DNAH17: variants seen among roughly 807,000 people sequenced by gnomAD.
DNAH17 encodes axonemal beta dynein heavy chain 17.
A neutral mutation model predicts 485.6 loss-of-function variants in DNAH17; 376 were observed. The ratio of observed to expected loss-of-function variants is 0.77; its 90% CI spans 0.71 to 0.84. The LOEUF (loss-of-function observed/expected upper bound fraction) is 0.84. Among genes scored for constraint, DNAH17 ranks in the 40% least tolerant of loss-of-function variants. DNAH17 has a pLI of 0.00. For missense variants in DNAH17, 6,370 were observed against 5,839.3 expected, an observed-to-expected ratio of 1.09 and a Z score of -2.96; for synonymous variants, 3,031 against 2,405.9, an observed-to-expected ratio of 1.26 and a Z score of -7.60.
intron 41 of DNAH17, 181 bp from the exon 42 acceptor site, chr17:78,492,946 G>A: frequency 1.8e-6 from 1 of 558,936 alleles, no homozygotes; most frequent in South Asian, 2.5e-5. Flanking sequence ...CTGCCTCAGG[G>A]TTCAAGTGAT....
At chr17:78,558,900 G>A (rs529042517) in intron 13 of DNAH17, among the ~76,000 whole-genome samples, 5 of 152,168 alleles carry the variant, frequency 3.3e-5, no homozygotes, top group South Asian at 4.2e-4. Flanking sequence ...GTCACATCAC[G>A]GGCCTCATCT....
At chr17:78,562,306 G>A (rs2092174267) in intron 11 of DNAH17, among the ~76,000 whole-genome samples, 1 of 152,164 alleles carries the variant, frequency 6.6e-6, no homozygotes, top group African/African-American at 2.4e-5. Flanking sequence ...AAAATAGGCT[G>A]AGCACCATGG....
At chr17:78,454,160 C>T (rs760618263) in intron 64 of DNAH17, among the ~76,000 whole-genome samples, 6 of 152,194 alleles carry the variant, frequency 3.9e-5, no homozygotes, top group Non-Finnish European at 7.3e-5. Context: ...ATACAGACCA[C>T]GAGACCCAGG....
At position 78,470,388 on chromosome 17, in the gene DNAH17, G is replaced by GA. The variant is rs959730403; in HGVS notation, c.8512-1506dup. Among the ~76,000 whole-genome samples, 14 of 145,976 alleles carry GA rather than the reference G, an allele frequency of 9.6e-5. No individual in the cohort carries two copies. The South Asian group carries it at 1.2e-3, about 12-fold the overall frequency. On this transcript the variant is annotated intron_variant, in intron 54 of 80. Transcript: ENST00000389840. Reference sequence around the variant, plus strand: ...CAGCCGAAAATGTCTATTTGTCTTAGAAAAAAAAATTAAAAAACAGGCCGG... The same window carrying GA: ...CAGCCGAAAATGTCTATTTGTCTTAGAAAAAAAAAATTAAAAAACAGGCCGG...
intron 62 of DNAH17, among the ~76,000 whole-genome samples, chr17:78,456,812 C>T (rs1313024702): frequency 2.6e-5 from 4 of 152,126 alleles, no homozygotes; most frequent in Non-Finnish European, 4.4e-5. Flanking sequence ...ATACCCGGGG[C>T]ACCACCCTGA....
intron 67 of DNAH17, 34 bp downstream of exon 67, chr17:78,450,648 G>A: frequency 6.3e-7 from 1 of 1,596,734 alleles, no homozygotes; most frequent in Non-Finnish European, 8.5e-7. Flanking sequence ...CCCAAGCCCT[G>A]GCTGCCAGGG....
At chr17:78,549,243 G>A (rs1316302719) in intron 16 of DNAH17, among the ~76,000 whole-genome samples, 2 of 152,272 alleles carry the variant, frequency 1.3e-5, no homozygotes, top group Non-Finnish European at 1.5e-5. Flanking sequence ...CCCCTGATGA[G>A]GTTAGTGTCC....
rs117792178 is a variant in DNAH17, at chr17:78,526,813, C to T, written c.3624+67G>A. On this transcript the variant is annotated intron_variant, in intron 23 of 80. Transcript: ENST00000389840. ...CCAAGGGTGGCCCCACCCTGTATGC[C>T]GCAGGGCCCTGGGTGAGCCCCACGC... The T allele has an allele frequency of 4.5e-3, 7,052 of 1,555,948 alleles. 143 individuals carry two copies. The East Asian group carries it at 0.054, about 12-fold the overall frequency.
At position 78,459,184 on chromosome 17, in the gene DNAH17, G is replaced by C; in HGVS notation, c.9678C>G (p.Phe3226Leu). The C allele has an allele frequency of 1.2e-6, 2 of 1,613,898 alleles. No individual in the cohort carries two copies. The part of the protein sequence containing the change: ...AFKPYQGNPT[F>L]DPEFIRSKST... The stretch of plus-strand genomic sequence containing the variant: ...ACTTGGAGCGGATGAACTCGGGGTC[G>C]AACGTCGGGTTGCCTTGGTAGGGCC... The change falls in exon 61 of 81, where the codon TTC becomes TTG. Residue 3226 changes from phenylalanine to leucine, a missense_variant. Coordinates refer to ENST00000389840, the MANE Select transcript of DNAH17 (RefSeq NM_173628.4).
chr17:78,444,847 C>A, intron 70 of DNAH17, 50 bp from the exon 71 acceptor site: 1 of 1,516,850 alleles, frequency 6.6e-7, no homozygotes, highest in South Asian at 1.3e-5. Context: ...TACCCGGGTC[C>A]CGAGAGCCTT....
chr17:78,423,963 G>T lies in DNAH17; in HGVS notation c.13332C>A (p.Thr4444=), dbSNP rs777727996. Residue 4444 remains threonine, a synonymous_variant, in exon 81 of 81, where the codon ACC becomes ACA. Coordinates refer to ENST00000389840, the MANE Select transcript of DNAH17 (RefSeq NM_173628.4). ...GGATCCACTTCGCTGCCTTCTCTTT[G>T]GTCTTCAAGTTAAAGGTCCAGACAT... ...PTYVWTFNLK[T]KEKAAKWILA... is the part of the protein sequence containing the mutation. The T allele has an allele frequency of 3.1e-6, 5 of 1,613,874 alleles. No homozygotes were observed. In the African/African-American group the frequency reaches 6.7e-5, roughly 22 times the overall value.
chr17:78,510,806 A>G, intron 26 of DNAH17: 1 of 325,078 alleles, frequency 3.1e-6, no homozygotes, highest in Non-Finnish European at 6.0e-6. Context: ...CTTATTTGGA[A>G]ATAGGGTCTT....
rs570630002 is a variant in DNAH17, at chr17:78,461,699, A to C, written c.9184T>G (p.Leu3062Val). The C allele has an allele frequency of 6.2e-7, 1 of 1,610,306 alleles. No homozygotes were observed. The highest frequency in any genetic ancestry group is 1.1e-5 in the South Asian group (1 of 90,586). ...TCCTGAATCGCCAACTTGGCTTTCA[A>C]ATCATCCACCTGGGGAAGGAGAAAC... The part of the protein sequence containing the change: ...LQSTASQVDD[L>V]KAKLAIQEAE... The change falls in exon 58 of 81, where the codon TTG (leucine) becomes GTG (valine). Residue 3062 changes from leucine (L) to valine (V), a missense_variant. Transcript: ENST00000389840.
chr17:78,450,223 G>T (rs1317481133), intron 68 of DNAH17, 31 bp downstream of exon 68: 1 of 1,611,966 alleles, frequency 6.2e-7, no homozygotes. Context: ...CCACCTTGAG[G>T]GAGGCACCCA....
intron 37 of DNAH17, among the ~76,000 whole-genome samples, chr17:78,497,239 C>T (rs935069422): frequency 1.3e-5 from 2 of 152,144 alleles, no homozygotes; most frequent in Admixed American, 6.5e-5. Context: ...CCTCTGGAAA[C>T]CTGCAGAAGA....
At chr17:78,550,288 C>T (rs1255828941) in intron 16 of DNAH17, among the ~76,000 whole-genome samples, 3 of 15,470 alleles carry the variant, frequency 1.9e-4, no homozygotes, top group African/African-American at 7.0e-4. Flanking sequence ...GAACTCTGCA[C>T]GCCCCAGACA....
chr17:78,449,313 T>G, intron 69 of DNAH17, 101 bp downstream of exon 69: 1 of 1,268,314 alleles, frequency 7.9e-7, no homozygotes, highest in Non-Finnish European at 1.1e-6. Flanking sequence ...ATCACCAGGT[T>G]TGGGTGGGGG....
intron 19 of DNAH17, chr17:78,533,069 A>C: frequency 4.5e-6 from 1 of 221,624 alleles, no homozygotes; most frequent in East Asian, 1.1e-4. Context: ...AGCTCTCACC[A>C]CGGGAAATAG....
Position 78,506,670 on chromosome 17 carries a change from G to T in DNAH17, c.4803+50C>A. ...GTTGAGGTAGAGGTGCCCACCTGGG[G>T]TCTGGCATGATGTTGGCTTAAACAC... On this transcript the variant is annotated intron_variant, in intron 30 of 80. Transcript: ENST00000389840. 2.5e-6 allele frequency: 4 copies of T among 1,612,050 alleles called. No homozygotes were observed. In the South Asian group the frequency reaches 3.3e-5, roughly 13 times the overall value.
Sources: gnomAD v4.1 joint callset for allele counts (sites outside exome capture counted in the v4.1 genomes callset) on GRCh38, gnomAD v4.1.1 for gene constraint, MANE v1.5 for transcripts, NCBI Gene and HGNC (gene_info 2026-07-23, HGNC 2026-07-21) for gene names.